The following B4GALT1 variants were observed in gnomAD, a reference collection of about 807,000 sequenced individuals.
B4GALT1 encodes the protein N-acetyllactosamine synthase.
B4GALT1 carries 16 observed loss-of-function variants against 34.9 expected under a neutral mutation model. The observed-to-expected ratio is 0.46, with a 90% CI of 0.31 to 0.70. B4GALT1 has a LOEUF of 0.70. Ranked by LOEUF, B4GALT1 falls within the 30% of genes least tolerant of loss-of-function variation. B4GALT1 has a pLI of 0.05. For missense variants in B4GALT1, 445 were observed against 530.5 expected (o/e 0.84, Z 1.58); for synonymous variants, 221 against 218.1 (o/e 1.01, Z -0.12).
downstream of B4GALT1, among the ~76,000 whole-genome samples, chr9:33,105,985 G>T (rs1158830056): frequency 1.4e-5 from 2 of 140,734 alleles, no homozygotes; most frequent in Non-Finnish European, 3.0e-5. Context: ...GCTAAAAATG[G>T]ACTTGTTGCA....
At position 33,111,276 on chromosome 9, in the gene B4GALT1, A is replaced by AAAAAAAAAAAAAAAAAAAAAAAAAAC. The variant is rs1564033760; in HGVS notation, c.*2177_*2178insGTTTTTTTTTTTTTTTTTTTTTTTTT. 3 of 106,016 alleles carry AAAAAAAAAAAAAAAAAAAAAAAAAAC rather than the reference A, an allele frequency of 2.8e-5. No individual in the cohort carries two copies. Among genetic ancestry groups the AAAAAAAAAAAAAAAAAAAAAAAAAAC allele is most frequent in the Non-Finnish European group, 6.1e-5 (3 of 49,222 alleles). 6.6% of individuals were successfully genotyped at this position (106,016 alleles called of 1,614,324 possible). ...AAAAAAAAAAAAAAAAAAAAAAAAA[A>AAAAAAAAAAAAAAAAAAAAAAAAAAC]AACAACAAGAAAAGGTAGAGTTTGG... On this transcript the variant is annotated 3_prime_UTR_variant, in exon 6 of 6. Coordinates refer to ENST00000379731, the MANE Select transcript of B4GALT1 (RefSeq NM_001497.4).
chr9:33,149,785 G>C (rs941947093), intron 1 of B4GALT1, among the ~76,000 whole-genome samples: 2 of 152,100 alleles, frequency 1.3e-5, no homozygotes, highest in African/African-American at 4.8e-5. Context: ...ATCTGATCAG[G>C]AGGAAACATC....
chr9:33,120,485 T>G lies in B4GALT1; in HGVS notation c.770A>C (p.His257Pro). 1 of 1,614,200 alleles carries G rather than the reference T, an allele frequency of 6.2e-7. No individual in the cohort carries two copies. Among genetic ancestry groups the G allele is most frequent in the Non-Finnish European group, 8.5e-7 (1 of 1,180,042 alleles). The change falls in exon 3 of 6, where the codon CAT (histidine) becomes CCT (proline). Residue 257 changes from histidine (H) to proline (P), a missense_variant. By Grantham distance (77) the His-to-Pro change is moderately conservative. Coordinates refer to ENST00000379731, the MANE Select transcript of B4GALT1 (RefSeq NM_001497.4). ...SDVDLIPMND[H>P]NAYRCFSQPR... is the part of the protein sequence containing the mutation. ...CTGTGAAAAACACCTGTACGCATTA[T>G]GGTCATTCATTGGAATGAGGTCCAC...
intron 1 of B4GALT1, among the ~76,000 whole-genome samples, chr9:33,166,415 A>T (rs1303473485): frequency 6.6e-6 from 1 of 152,134 alleles, no homozygotes; most frequent in Non-Finnish European, 1.5e-5. Context: ...TCTCAGTGCA[A>T]GGCTGCTCGA....
chr9:33,155,957 C>T (rs77777689), intron 1 of B4GALT1, among the ~76,000 whole-genome samples: 3,465 of 152,206 alleles, frequency 0.023, 104 homozygotes, highest in East Asian at 0.12. Flanking sequence ...GAACAATATA[C>T]TACTAGCAGC....
intron 1 of B4GALT1, among the ~76,000 whole-genome samples, chr9:33,141,534 G>A (rs1048396369): frequency 2.6e-5 from 4 of 152,002 alleles, no homozygotes; most frequent in Non-Finnish European, 4.4e-5. Flanking sequence ...ACAACAAAAG[G>A]TCTTTACCCC....
the B4GALT1 span, among the ~76,000 whole-genome samples, chr9:33,177,623 G>T: frequency 6.6e-6 from 1 of 152,134 alleles, no homozygotes; most frequent in Non-Finnish European, 1.5e-5. Flanking sequence ...TTTACAGAAA[G>T]TTTGCCAATG....
chr9:33,143,859 T>C (rs903911977), intron 1 of B4GALT1, among the ~76,000 whole-genome samples: 3 of 151,594 alleles, frequency 2.0e-5, no homozygotes, highest in South Asian at 2.1e-4. Context: ...AATAACTACG[T>C]TGGGACCCAT....
intron 1 of B4GALT1, among the ~76,000 whole-genome samples, chr9:33,139,946 G>C (rs530498807): frequency 6.6e-6 from 1 of 152,378 alleles, no homozygotes; most frequent in Non-Finnish European, 1.5e-5. Context: ...GATGTAAGCT[G>C]TCCTCGGCTC....
chr9:33,126,760 G>A (rs1240385712), intron 2 of B4GALT1, among the ~76,000 whole-genome samples: 1 of 150,340 alleles, frequency 6.7e-6, no homozygotes, highest in African/African-American at 2.4e-5. Flanking sequence ...TTAGGGACCA[G>A]GCTATGGGAG....
chr9:33,167,378 G>A (rs1840783728), upstream of B4GALT1: 1 of 545,210 alleles, frequency 1.8e-6, no homozygotes, highest in Non-Finnish European at 2.7e-6. Flanking sequence ...GGGGAGGGGC[G>A]GGGCCCCGGC....
At chr9:33,105,887 T>TTTTC (rs1668432306), downstream of B4GALT1, among the ~76,000 whole-genome samples, 1 of 147,234 alleles carries the variant, frequency 6.8e-6, no homozygotes, top group African/African-American at 2.5e-5. Flanking sequence ...TGGGTTTTTT[T>TTTTC]TTTTTTTTTT....
chr9:33,147,743 T>G (rs1240720168), intron 1 of B4GALT1, among the ~76,000 whole-genome samples: 3 of 152,166 alleles, frequency 2.0e-5, no homozygotes, highest in Non-Finnish European at 4.4e-5. Context: ...AGTTTTATGT[T>G]GCAACAAAAT....
intron 1 of B4GALT1, among the ~76,000 whole-genome samples, chr9:33,140,321 A>T (rs1840330139): frequency 6.6e-6 from 1 of 152,236 alleles, no homozygotes; most frequent in South Asian, 2.1e-4. Flanking sequence ...CAGGAATGAA[A>T]TCACAGAAGT....
chr9:33,152,374 T>C (rs1040532685), intron 1 of B4GALT1, among the ~76,000 whole-genome samples: 6 of 135,870 alleles, frequency 4.4e-5, no homozygotes, highest in Admixed American at 2.3e-4. Flanking sequence ...CATAACAACT[T>C]CTACATAGCT....
intron 3 of B4GALT1, among the ~76,000 whole-genome samples, chr9:33,118,699 G>C (rs1024039255): frequency 6.6e-6 from 1 of 151,726 alleles, no homozygotes; most frequent in Non-Finnish European, 1.5e-5. Flanking sequence ...AAAAAAAGTT[G>C]TATCTAAAAT....
chr9:33,135,264 G>A lies in B4GALT1; in HGVS notation c.573C>T (p.Leu191=), dbSNP rs1329070516. Reference sequence around the variant, plus strand: ...GGTGCAAATAATATAGCCAGTACTTGAGGTGCTCCTGCCGGTTGCGGAATG... The same window carrying A: ...GGTGCAAATAATATAGCCAGTACTTAAGGTGCTCCTGCCGGTTGCGGAATG... The part of the protein sequence containing the change: ...IIPFRNRQEH[L]KYWLYYLHPV... The change falls in exon 2 of 6, where the codon CTC becomes CTT. Residue 191 remains leucine, a synonymous_variant. Coordinates refer to ENST00000379731, the MANE Select transcript of B4GALT1 (RefSeq NM_001497.4). The A allele has an allele frequency of 6.2e-7, 1 of 1,614,202 alleles. No homozygotes were observed. Among genetic ancestry groups the A allele is most frequent in the East Asian group, 2.2e-5 (1 of 44,884 alleles).
intron 3 of B4GALT1, among the ~76,000 whole-genome samples, chr9:33,116,828 A>G (rs1392230541): frequency 1.3e-5 from 2 of 152,136 alleles, no homozygotes; most frequent in Non-Finnish European, 2.9e-5. Context: ...CAGCCTCTCT[A>G]AAGCTTTTTT....
At position 33,104,556 on chromosome 9, in the gene B4GALT1, C is replaced by T. The variant is rs542772781; in HGVS notation, c.*196G>A. On this transcript the variant is annotated 3_prime_UTR_variant, in exon 3 of 3. Transcript: ENST00000535206. ...AGCATTTGTCTCGAGAACAGGTAGC[C>T]GCTGAAAAGCCAGTCACTGGGGTCA... 7.6e-5 allele frequency: 26 copies of T among 344,196 alleles called. 1 individual carries two copies. Among genetic ancestry groups the T allele is most frequent in the South Asian group, 4.3e-4 (19 of 44,092 alleles). 21.3% of individuals were successfully genotyped at this position (344,196 alleles called of 1,614,324 possible). A position where few individuals can be genotyped will look rare whatever the true frequency, so the allele number is the denominator to read the frequency against.
Sources: allele counts gnomAD v4.1 joint callset (sites outside exome capture counted in the v4.1 genomes callset), GRCh38; gene constraint gnomAD v4.1.1; transcripts MANE v1.5; gene names NCBI Gene and HGNC (gene_info 2026-07-23, HGNC 2026-07-21).